The following HS3ST5 variants were observed in gnomAD, a reference collection of about 807,000 sequenced individuals.
HS3ST5 encodes the protein heparan sulfate glucosamine 3-O-sulfotransferase 5.
Under a neutral mutation model 25.4 loss-of-function variants are expected in HS3ST5, and 10 were observed. The ratio of observed to expected loss-of-function variants is 0.39; its 90% CI spans 0.24 to 0.67. The LOEUF is 0.67. Ranked by LOEUF, HS3ST5 falls within the 30% of genes least tolerant of loss-of-function variation. The pLI is 0.44. For missense variants in HS3ST5, 324 were observed against 420.7 expected, an observed-to-expected ratio of 0.77 and a Z score of 2.01; for synonymous variants, 170 against 162.4, an observed-to-expected ratio of 1.05 and a Z score of -0.36.
chr6:114,304,031 T>C (rs1775191066), intron 1 of HS3ST5, among the ~76,000 whole-genome samples: 1 of 152,118 alleles, frequency 6.6e-6, no homozygotes, highest in Non-Finnish European at 1.5e-5. Context: ...TCCCCATTGC[T>C]TCCATATGCA....
intron 3 of HS3ST5, among the ~76,000 whole-genome samples, chr6:114,155,091 C>T (rs970568838): frequency 1.3e-5 from 2 of 152,166 alleles, no homozygotes; most frequent in Non-Finnish European, 2.9e-5. Context: ...GTGCTTGAGA[C>T]GTATTTGTTG....
chr6:114,239,327 C>A (rs764814041), intron 1 of HS3ST5: 3 of 152,182 alleles, frequency 2.0e-5, no homozygotes, highest in African/African-American at 7.2e-5. Context: ...ATCAAACATG[C>A]GTTTTGCTTG....
At position 114,079,947 on chromosome 6, in the gene HS3ST5, G is replaced by GT. The variant is rs544891113; in HGVS notation, c.-32-17071dup. Among the ~76,000 whole-genome samples, 459 of 150,194 alleles carry GT rather than the reference G, an allele frequency of 3.1e-3. 1 individual carries two copies. The highest frequency in any genetic ancestry group is 5.0e-3 in the Non-Finnish European group (335 of 67,338). ...TGTGCCACCATGCCTGGCTAATTTT[G>GT]TTTTTTTTTAGTAGAGATAGGGTTT... On this transcript the variant is annotated intron_variant, in intron 3 of 4. Coordinates refer to ENST00000312719, the MANE Select transcript of HS3ST5 (RefSeq NM_153612.4).
intron 3 of HS3ST5, among the ~76,000 whole-genome samples, chr6:114,082,024 T>C (rs187389397): frequency 7.9e-4 from 120 of 152,318 alleles, no homozygotes; most frequent in Middle Eastern, 3.4e-3. Flanking sequence ...TTCTCCATTT[T>C]TCCCTCCCAG....
At chr6:114,277,777 GT>G (rs1208816960) in intron 1 of HS3ST5, among the ~76,000 whole-genome samples, 2 of 151,972 alleles carry the variant, frequency 1.3e-5, no homozygotes, top group Non-Finnish European at 2.9e-5. Flanking sequence ...ATTCAAGGTC[GT>G]TTTAAAAGAG....
At chr6:114,170,988 G>T (rs1410445757) in intron 2 of HS3ST5, among the ~76,000 whole-genome samples, 3 of 152,070 alleles carry the variant, frequency 2.0e-5, no homozygotes, top group African/African-American at 7.2e-5. Flanking sequence ...TTCTATTGTG[G>T]ACTCCTAGTG....
intron 2 of HS3ST5, among the ~76,000 whole-genome samples, chr6:114,197,277 TTTG>T (rs770633165): frequency 2.0e-5 from 3 of 152,158 alleles, no homozygotes; most frequent in East Asian, 1.9e-4. Flanking sequence ...ATTTGTTTGT[TTTG>T]TTGTCAGTCC....
chr6:114,128,059 C>T (rs539561594), intron 3 of HS3ST5, among the ~76,000 whole-genome samples: 13 of 151,988 alleles, frequency 8.6e-5, no homozygotes, highest in Admixed American at 2.6e-4. Flanking sequence ...TCTATGAAAA[C>T]GTGGATTTTC....
chr6:114,215,141 T>C (rs1310690584), intron 2 of HS3ST5, among the ~76,000 whole-genome samples: 2 of 151,730 alleles, frequency 1.3e-5, no homozygotes, highest in East Asian at 3.9e-4. Context: ...CCGTCTCTAC[T>C]AAAAAATACA....
chr6:114,087,995 T>A (rs1230531883), intron 3 of HS3ST5, among the ~76,000 whole-genome samples: 1 of 152,180 alleles, frequency 6.6e-6, no homozygotes, highest in Admixed American at 6.5e-5. Context: ...GTACCAAAAG[T>A]GTTAAATGTC....
intron 1 of HS3ST5, among the ~76,000 whole-genome samples, chr6:114,235,347 G>C (rs1771804970): frequency 6.6e-6 from 1 of 151,032 alleles, no homozygotes; most frequent in African/African-American, 2.4e-5. Flanking sequence ...AATTTCCCAA[G>C]GAAACAAAAG....
intron 1 of HS3ST5, among the ~76,000 whole-genome samples, chr6:114,281,137 C>T (rs189100377): frequency 6.6e-6 from 1 of 152,114 alleles, no homozygotes; most frequent in Admixed American, 6.6e-5. Flanking sequence ...CCCCAAATAA[C>T]GTACCATATC....
At chr6:114,191,401 G>A (rs969257813) in intron 2 of HS3ST5, among the ~76,000 whole-genome samples, 1 of 152,190 alleles carries the variant, frequency 6.6e-6, no homozygotes, top group Admixed American at 6.5e-5. Context: ...AAAATAGGCC[G>A]CTTGCTTTAT....
intron 3 of HS3ST5, among the ~76,000 whole-genome samples, chr6:114,078,056 G>A (rs535974822): frequency 1.3e-5 from 2 of 152,204 alleles, no homozygotes; most frequent in African/African-American, 2.4e-5. Flanking sequence ...AAATATGAAT[G>A]TATCATATTC....
At chr6:114,153,119 C>A (rs1305194775) in intron 3 of HS3ST5, among the ~76,000 whole-genome samples, 1 of 152,078 alleles carries the variant, frequency 6.6e-6, no homozygotes, top group African/African-American at 2.4e-5. Context: ...CTGAAACACC[C>A]TTTTACTGCC....
intron 3 of HS3ST5, among the ~76,000 whole-genome samples, chr6:114,075,271 G>T (rs953035674): frequency 2.0e-5 from 3 of 152,168 alleles, no homozygotes; most frequent in Admixed American, 6.5e-5. Context: ...TCTTAGATTG[G>T]CAGTGAAGGA....
At chr6:114,263,155 A>C (rs1480524580) in intron 1 of HS3ST5, among the ~76,000 whole-genome samples, 1 of 152,108 alleles carries the variant, frequency 6.6e-6, no homozygotes, top group East Asian at 1.9e-4. Context: ...CAAACAATAA[A>C]ATTTTGTTTT....
intron 4 of HS3ST5, chr6:114,059,180 T>C (rs796867299): frequency 6.6e-6 from 1 of 152,230 alleles, no homozygotes; most frequent in South Asian, 2.1e-4. Context: ...CTAACATATA[T>C]GGTTAGCAAA....
At chr6:114,087,906 G>A (rs568903439) in intron 3 of HS3ST5, among the ~76,000 whole-genome samples, 63 of 152,102 alleles carry the variant, frequency 4.1e-4, no homozygotes, top group Non-Finnish European at 5.6e-4. Context: ...CTAAAACCCC[G>A]TAATAACTTT....
Sources: allele counts gnomAD v4.1 joint callset (sites outside exome capture counted in the v4.1 genomes callset), GRCh38; gene constraint gnomAD v4.1.1; transcripts MANE v1.5; gene names NCBI Gene and HGNC (gene_info 2026-07-23, HGNC 2026-07-21).